Variants in FAM13C observed in about 807,000 individuals in gnomAD.
FAM13C encodes the protein family with sequence similarity 13 member C, also known as protein FAM13C.
Under a neutral mutation model 73.2 loss-of-function variants are expected in FAM13C, and 37 were observed. The ratio of observed to expected loss-of-function variants is 0.51; its 90% CI spans 0.39 to 0.67. The LOEUF (loss-of-function observed/expected upper bound fraction) is 0.67, where lower values mean the gene tolerates loss of function less well. Ranked by LOEUF, FAM13C falls within the 30% of genes least tolerant of loss-of-function variation. The pLI is 0.00. For synonymous variants in FAM13C, 246 were observed against 260.9 expected (o/e 0.94, Z 0.55); for missense variants, 589 against 715.6 (o/e 0.82, Z 2.02).
At chr10:59,358,134 C>T (rs2134307056) in intron 1 of FAM13C, among the ~76,000 whole-genome samples, 1 of 152,222 alleles carries the variant, frequency 6.6e-6, no homozygotes, top group South Asian at 2.1e-4. Flanking sequence ...ATTTGTAATC[C>T]CAGAACTCTG....
chr10:59,320,674 A>G (rs930960840), intron 4 of FAM13C, among the ~76,000 whole-genome samples: 4 of 152,232 alleles, frequency 2.6e-5, no homozygotes, highest in African/African-American at 9.6e-5. Context: ...GGAAAATGAC[A>G]TACAGAAAAT....
intron 10 of FAM13C, among the ~76,000 whole-genome samples, chr10:59,256,985 T>C (rs1842004572): frequency 6.6e-6 from 1 of 152,184 alleles, no homozygotes; most frequent in Admixed American, 6.5e-5. Flanking sequence ...TTTTGTTTTA[T>C]GAATGAAGGA....
chr10:59,304,836 G>GGGGAGA (rs1365757456), intron 4 of FAM13C, among the ~76,000 whole-genome samples: 1 of 80,532 alleles, frequency 1.2e-5, no homozygotes, highest in Non-Finnish European at 2.6e-5. Context: ...GGAGGGGGCG[G>GGGGAGA]GGGAGGGGGA....
chr10:59,291,029 T>C (rs1011214225), intron 5 of FAM13C, among the ~76,000 whole-genome samples: 5 of 152,122 alleles, frequency 3.3e-5, no homozygotes, highest in Non-Finnish European at 7.3e-5. Flanking sequence ...GCAGGGTCTT[T>C]CAACACAAGA....
chr10:59,350,896 C>T (rs1690143532), intron 3 of FAM13C, among the ~76,000 whole-genome samples: 1 of 152,164 alleles, frequency 6.6e-6, no homozygotes, highest in South Asian at 2.1e-4. Context: ...AAGTTAACAT[C>T]TAAATGTTAA....
intron 1 of FAM13C, 42 bp downstream of exon 1, chr10:59,362,357 G>T (rs760567812): frequency 1.2e-6 from 2 of 1,606,798 alleles, no homozygotes; most frequent in South Asian, 2.2e-5. Flanking sequence ...TGCTTCCAGA[G>T]AAAGGCATGC....
rs2133835424 is a variant in FAM13C at position 59,298,792 on chromosome 10, T to A, written c.507+4009A>T. Among the ~76,000 whole-genome samples, 3 of 152,290 alleles carry A rather than the reference T, an allele frequency of 2.0e-5. No individual in the cohort carries two copies. In the South Asian group the frequency reaches 6.2e-4, roughly 32 times the overall value. The stretch of plus-strand genomic sequence containing the variant: ...TTGGTTTTCCTTATTCCATCCCTGA[T>A]GGGAAGCTATGGCTACACTCTGCAA... On this transcript the variant is annotated intron_variant, in intron 5 of 13. Transcript: ENST00000618804.
chr10:59,250,552 C>T (rs2133358029), intron 13 of FAM13C, among the ~76,000 whole-genome samples: 1 of 152,218 alleles, frequency 6.6e-6, no homozygotes, highest in South Asian at 2.1e-4. Flanking sequence ...GGAAAACCTG[C>T]CAGGGACTAA....
chr10:59,308,555 AGC>A (rs55882750), intron 4 of FAM13C, among the ~76,000 whole-genome samples: 2 of 148,188 alleles, frequency 1.3e-5, no homozygotes, highest in Non-Finnish European at 3.0e-5. Context: ...CACCACCACC[AGC>A]ACCACCAACC....
chr10:59,247,750 A>C lies in FAM13C; in HGVS notation c.1635-13T>G, dbSNP rs775594737. The C allele has an allele frequency of 3.7e-6, 6 of 1,605,970 alleles. No individual in the cohort carries two copies. The highest frequency in any genetic ancestry group is 5.1e-6 in the Non-Finnish European group (6 of 1,176,304). On this transcript the variant is annotated splice_polypyrimidine_tract_variant and intron_variant, in intron 13 of 13. Coordinates refer to ENST00000618804, the MANE Select transcript of FAM13C (RefSeq NM_198215.4). ...CTTTTGTGGACTTCTGCAAAACAAA[A>C]ATACATTTGTTAGTTCACAATGAAT...
rs556421373 is a variant in FAM13C, at chr10:59,279,691, C to G, written c.592+3672G>C. On this transcript the variant is annotated intron_variant, in intron 6 of 13. Coordinates refer to ENST00000618804, the MANE Select transcript of FAM13C (RefSeq NM_198215.4). ...ATCCTCATTCCATTTTCCGTTCAAT[C>G]ACATCAGAATAGGTGCTTACTAATT... Among the ~76,000 whole-genome samples the G allele has an allele frequency of 3.9e-5, 6 of 152,306 alleles. No homozygotes were observed. In the South Asian group the frequency reaches 1.2e-3, roughly 32 times the overall value.
At chr10:59,311,421 G>C (rs1281129027) in intron 4 of FAM13C, among the ~76,000 whole-genome samples, 1 of 152,190 alleles carries the variant, frequency 6.6e-6, no homozygotes, top group African/African-American at 2.4e-5. Flanking sequence ...AGCAGCACCT[G>C]GTTTGCTGAG....
At chr10:59,273,491 TA>T (rs1325646715) in intron 6 of FAM13C, among the ~76,000 whole-genome samples, 23 of 152,166 alleles carry the variant, frequency 1.5e-4, no homozygotes, top group Non-Finnish European at 3.2e-4. Flanking sequence ...AAAAACATAA[TA>T]ATCATCATAT....
intron 2 of FAM13C, among the ~76,000 whole-genome samples, chr10:59,354,891 G>C (rs558672078): frequency 2.0e-5 from 3 of 151,922 alleles, no homozygotes; most frequent in East Asian, 3.9e-4. Context: ...TGAACCACTT[G>C]CTGTTCCTGC....
chr10:59,344,432 C>T lies in FAM13C; in HGVS notation c.324+7838G>A, dbSNP rs545444603. 1.1e-4 allele frequency among the ~76,000 whole-genome samples: 16 copies of T among 140,912 alleles called. 1 individual carries two copies. In the South Asian group the frequency reaches 2.0e-3, roughly 17 times the overall value. The allele number at this position is 140,912 out of a possible 152,430, so 92.4% of individuals were successfully genotyped here. On this transcript the variant is annotated intron_variant, in intron 3 of 13. Transcript: ENST00000618804. ...TAGCTGGGACTACAGGCGCCCGCCA[C>T]CACGCACGGCTGATTTTTTTTTTTT...
chr10:59,355,571 A>G (rs1855601814), intron 2 of FAM13C, among the ~76,000 whole-genome samples: 1 of 152,176 alleles, frequency 6.6e-6, no homozygotes, highest in Non-Finnish European at 1.5e-5. Context: ...ACTCAATAAT[A>G]TGTTTGGTGA....
intron 4 of FAM13C, among the ~76,000 whole-genome samples, chr10:59,320,446 G>T (rs1850069397): frequency 6.6e-6 from 1 of 152,198 alleles, no homozygotes; most frequent in African/African-American, 2.4e-5. Flanking sequence ...TGTATCTGAG[G>T]TTGGCTCTGT....
At chr10:59,271,997 A>G (rs1843771255) in intron 6 of FAM13C, among the ~76,000 whole-genome samples, 1 of 152,174 alleles carries the variant, frequency 6.6e-6, no homozygotes, top group East Asian at 1.9e-4. Flanking sequence ...AATACTTGGG[A>G]TCCTAGTAAC....
intron 3 of FAM13C, among the ~76,000 whole-genome samples, chr10:59,352,010 A>G (rs1855105375): frequency 6.6e-6 from 1 of 152,164 alleles, no homozygotes; most frequent in African/African-American, 2.4e-5. Flanking sequence ...AATAAAAATA[A>G]ATAAATAAAA....
Sources: gnomAD v4.1 joint callset for allele counts (sites outside exome capture counted in the v4.1 genomes callset) on GRCh38, gnomAD v4.1.1 for gene constraint, MANE v1.5 for transcripts, NCBI Gene and HGNC (gene_info 2026-07-23, HGNC 2026-07-21) for gene names.